KLHL17: variants seen among roughly 807,000 people sequenced by gnomAD.
The protein encoded by KLHL17 is kelch like family member 17.
In KLHL17, 71 loss-of-function variants were observed where a neutral mutation model predicts 64.6. The observed-to-expected ratio is 1.10, with a 90% CI of 0.91 to 1.34. The LOEUF (loss-of-function observed/expected upper bound fraction) is 1.34, where lower values mean the gene tolerates loss of function less well. Among genes scored for constraint, KLHL17 ranks in the 40% most tolerant of loss-of-function variants. The probability of loss-of-function intolerance (pLI) is 0.00; values close to 1 mark genes in which losing one functional copy is unlikely to be tolerated. For synonymous variants in KLHL17, 612 were observed against 405.4 expected (o/e 1.51, Z -6.12); for missense variants, 1,140 against 935.0 (o/e 1.22, Z -2.86).
rs201579026 is a variant in KLHL17 at position 964,171 on chromosome 1, T to G, written c.1509T>G (p.Tyr503Ter). 2 of 1,612,544 alleles carry G rather than the reference T, an allele frequency of 1.2e-6. No homozygotes were observed. The highest frequency in any genetic ancestry group is 1.7e-6 in the Non-Finnish European group (2 of 1,179,904). The stretch of plus-strand genomic sequence containing the variant: ...CACACCTGGCCACTGTGGAGAAGTA[T>G]GAGCCCCAGGTGCATAGTGCACCCC... ...SSSHLATVEK[Y>*]EPQVNVWSPV... The change falls in exon 10 of 12, where the codon TAT (tyrosine) becomes TAG (stop). Residue 503 changes from tyrosine (Y) to a stop codon, truncating the protein, a stop_gained. Coordinates refer to ENST00000338591, the MANE Select transcript of KLHL17 (RefSeq NM_198317.3). LOFTEE classifies it high-confidence loss of function.
In KLHL17 at chr1:961,989, T is replaced by A; in HGVS notation, c.653T>A (p.Leu218Gln). ...DLLKAAHRYVLQHFVDVAKTE... is the reference protein window; with the variant it reads ...DLLKAAHRYVQQHFVDVAKTE... ...CTCAAGGCCGCCCACAGGTACGTGC[T>A]GCAGCACTTCGTGGACGTGGCCAAG... The change falls in exon 4 of 12, where the codon CTG becomes CAG. Residue 218 changes from leucine (L) to glutamine (Q), a missense_variant. By Grantham distance (113) the Leu-to-Gln change is moderately radical. Transcript: ENST00000338591. 4 of 1,612,934 alleles carry A rather than the reference T, an allele frequency of 2.5e-6. No homozygotes were observed. The highest frequency in any genetic ancestry group is 3.4e-6 in the Non-Finnish European group (4 of 1,180,018).
rs1642921067 is a variant in KLHL17, at chr1:965,606, G to A, written c.*415G>A. 3 of 211,406 alleles carry A rather than the reference G, an allele frequency of 1.4e-5. No homozygotes were observed. The highest frequency in any genetic ancestry group is 1.0e-4 in the South Asian group (1 of 9,562). The allele number at this position is 211,406 out of a possible 1,614,324, so 13.1% of individuals were successfully genotyped here. A position where few individuals can be genotyped will look rare whatever the true frequency, so the allele number is the denominator to read the frequency against. ...GTGGGGAGCAGTTGTCCTTCCTGTC[G>A]TCGTCTGCCGTGTGCCATCTTTCCT... On this transcript the variant is annotated 3_prime_UTR_variant, in exon 12 of 12. Transcript: ENST00000338591.
At position 965,440 on chromosome 1, in the gene KLHL17, G is replaced by GGAGT. The variant is rs1642911337; in HGVS notation, c.*252_*255dup. On this transcript the variant is annotated 3_prime_UTR_variant, in exon 12 of 12. Transcript: ENST00000338591. ...TCCACTGCCTGCATGGGGGGCGCGG[G>GGAGT]GAGTGACCAGGCGGGGGCCTCACCG... 1.8e-6 allele frequency: 1 copy of GGAGT among 559,322 alleles called. No homozygotes were observed. The highest frequency in any genetic ancestry group is 1.9e-5 in the African/African-American group (1 of 52,810). 34.6% of individuals were successfully genotyped at this position (559,322 alleles called of 1,614,324 possible). A position where few individuals can be genotyped will look rare whatever the true frequency, so the allele number is the denominator to read the frequency against.
At position 961,467 on chromosome 1, in the gene KLHL17, C is replaced by T. The variant is rs557507930; in HGVS notation, c.282C>T (p.Ile94=). Residue 94 remains isoleucine (I), a synonymous_variant, in exon 2 of 12, where the codon ATC becomes ATT. Transcript: ENST00000338591. ...RMRQRGLLCD[I]VLHVAAKEIR... ...GCCAGCGCGGCCTCCTGTGCGACAT[C>T]GTCCTGCACGTGGCTGCCAAGGAGA... The T allele has an allele frequency of 3.7e-5, 60 of 1,612,358 alleles. No individual in the cohort carries two copies. The highest frequency in any genetic ancestry group is 1.5e-4 in the South Asian group (14 of 91,084).
chr1:960,623 GC>G lies in KLHL17; in HGVS notation c.-68del. 2.4e-6 allele frequency: 3 copies of G among 1,241,124 alleles called. No individual in the cohort carries two copies. Among genetic ancestry groups the G allele is most frequent in the Admixed American group, 4.5e-5 (1 of 21,982 alleles). The allele number at this position is 1,241,124 out of a possible 1,614,324, so 76.9% of individuals were successfully genotyped here. On this transcript the variant is annotated 5_prime_UTR_variant, in exon 1 of 12. Transcript: ENST00000338591. The stretch of plus-strand genomic sequence containing the variant: ...CAGAGCGGGCCGCCACCGCCGAGCA[GC>G]CCTCCGGCAGTCTCCGCGTCCGTTA...
chr1:964,165 G>A lies in KLHL17; in HGVS notation c.1503G>A (p.Glu501=). The change falls in exon 10 of 12, where the codon GAG becomes GAA. Residue 501 remains glutamate (E), a synonymous_variant. Coordinates refer to ENST00000338591, the MANE Select transcript of KLHL17 (RefSeq NM_198317.3). ...GCTCCTCACACCTGGCCACTGTGGA[G>A]AAGTATGAGCCCCAGGTGCATAGTG... ...YDSSSHLATV[E]KYEPQVNVWS... 6.2e-7 allele frequency: 1 copy of A among 1,612,718 alleles called. No homozygotes were observed. Among genetic ancestry groups the A allele is most frequent in the South Asian group, 1.1e-5 (1 of 91,088 alleles).
Position 963,101 on chromosome 1 carries a change from C to G in KLHL17, c.1043-8C>G, listed in dbSNP as rs1204804888. The G allele has an allele frequency of 1.2e-6, 2 of 1,610,950 alleles. No homozygotes were observed. Among genetic ancestry groups the G allele is most frequent in the African/African-American group, 2.7e-5 (2 of 74,894 alleles). The stretch of plus-strand genomic sequence containing the variant: ...CTCACGAGTCCCGTCTCCACCTGCC[C>G]TCCCCAGGCGGCGGGAGCCTGTTTG... On this transcript the variant is annotated splice_polypyrimidine_tract_variant and splice_region_variant and intron_variant, in intron 6 of 11. Transcript: ENST00000338591.
intron 8 of KLHL17, 109 bp downstream of exon 8, chr1:963,613 G>C (rs187461410): frequency 7.7e-7 from 1 of 1,304,904 alleles, no homozygotes; most frequent in African/African-American, 1.5e-5. Flanking sequence ...GAGGTGATCC[G>C]CGAGGCCGTT....
intron 8 of KLHL17, 47 bp from the exon 9 acceptor site, chr1:963,873 G>C: frequency 6.3e-7 from 1 of 1,583,312 alleles, no homozygotes; most frequent in Non-Finnish European, 8.7e-7. Flanking sequence ...GGGCCGGGAC[G>C]CCTTTCTGTC....
In KLHL17 at chr1:962,827, C is replaced by T. The variant is rs1403419992; in HGVS notation, c.952C>T (p.His318Tyr). The T allele has an allele frequency of 3.1e-6, 5 of 1,606,460 alleles. No individual in the cohort carries two copies. The highest frequency in any genetic ancestry group is 3.4e-6 in the Non-Finnish European group (4 of 1,178,414). The change falls in exon 6 of 12, where the codon CAC (histidine) becomes TAC (tyrosine). Residue 318 changes from histidine (H) to tyrosine (Y), a missense_variant. By Grantham distance (83) the His-to-Tyr change is moderately conservative (BLOSUM62 2). Coordinates refer to ENST00000338591, the MANE Select transcript of KLHL17 (RefSeq NM_198317.3). ...CCTCCTCATCGAGGCCCTGAAGTTC[C>T]ACCTGCTGCCTGAGCAGAGGGGCGT... ...KDLLIEALKF[H>Y]LLPEQRGVLG...
In KLHL17 at chr1:965,081, G is replaced by C; in HGVS notation, c.1819G>C (p.Ala607Pro). 1.9e-6 allele frequency: 3 copies of C among 1,612,610 alleles called. No homozygotes were observed. Among genetic ancestry groups the C allele is most frequent in the Non-Finnish European group, 2.5e-6 (3 of 1,179,768 alleles). ...YNPRTNKWVA[A>P]SCMFTRRSSV... ...CCCGAGGACCAACAAGTGGGTGGCC[G>C]CATCCTGCATGTTCACCCGGCGCAG... Residue 607 changes from alanine (A) to proline (P), a missense_variant, in exon 12 of 12, where the codon GCA (alanine) becomes CCA (proline). Ala to Pro is a conservative substitution (Grantham distance 27, BLOSUM62 -1). Coordinates refer to ENST00000338591, the MANE Select transcript of KLHL17 (RefSeq NM_198317.3).
rs373858860 is a variant in KLHL17 at position 965,098 on chromosome 1, C to T, written c.1836C>T (p.Thr612=). 4 of 1,612,646 alleles carry T rather than the reference C, an allele frequency of 2.5e-6. No individual in the cohort carries two copies. The East Asian group carries it at 6.7e-5, about 27-fold the overall frequency. Residue 612 remains threonine, a synonymous_variant, in exon 12 of 12, where the codon ACC becomes ACT. Transcript: ENST00000338591. ...NKWVAASCMF[T]RRSSVGVAVL... ...GGGTGGCCGCATCCTGCATGTTCAC[C>T]CGGCGCAGCAGTGTGGGTGTGGCGG...
rs778860952 is a variant in KLHL17, at chr1:961,645, C to T, written c.384C>T (p.Ser128=). The change falls in exon 3 of 12, where the codon AGC becomes AGT. Residue 128 remains serine (S), a synonymous_variant. Transcript: ENST00000338591. ...TCCCCGCAGATGAGATGAGCGAGAG[C>T]CGCCAGACCCACGTGACGCTGCACG... is the stretch of plus-strand genomic sequence containing the variant. ...HAMFTNEMSE[S]RQTHVTLHDI... The T allele has an allele frequency of 4.3e-6, 7 of 1,612,616 alleles. No individual in the cohort carries two copies. Among genetic ancestry groups the T allele is most frequent in the Non-Finnish European group, 5.1e-6 (6 of 1,179,866 alleles).
chr1:961,782 C>T lies in KLHL17; in HGVS notation c.489+32C>T. 7 of 1,611,602 alleles carry T rather than the reference C, an allele frequency of 4.3e-6. No homozygotes were observed. The South Asian group carries it at 7.7e-5, about 18-fold the overall frequency. On this transcript the variant is annotated intron_variant, in intron 3 of 11. Coordinates refer to ENST00000338591, the MANE Select transcript of KLHL17 (RefSeq NM_198317.3). The stretch of plus-strand genomic sequence containing the variant: ...GCTCCCTCACCCGGATCCCGGTGTC[C>T]CCCGACCCTGTGCCTCCCTCACCTG...
chr1:961,045 C>G, intron 1 of KLHL17: 1 of 201,188 alleles, frequency 5.0e-6, no homozygotes, highest in Non-Finnish European at 8.8e-6. Context: ...GTGGGGGCGC[C>G]GGGAAGCGGG....
Position 960,595 on chromosome 1 carries a change from A to G in KLHL17, c.-99A>G, listed in dbSNP as rs1342409947. 7.5e-5 allele frequency: 81 copies of G among 1,077,666 alleles called. No individual in the cohort carries two copies. Among genetic ancestry groups the G allele is most frequent in the Non-Finnish European group, 9.0e-5 (78 of 863,308 alleles). The allele number at this position is 1,077,666 out of a possible 1,614,324, so 66.8% of individuals were successfully genotyped here. A position where few individuals can be genotyped will look rare whatever the true frequency, so the allele number is the denominator to read the frequency against. Reference sequence around the variant, plus strand: ...CGGGCGGGAGCGGCGGGAGTGAGCGACACAGAGCGGGCCGCCACCGCCGAG... The same window carrying G: ...CGGGCGGGAGCGGCGGGAGTGAGCGGCACAGAGCGGGCCGCCACCGCCGAG... On this transcript the variant is annotated 5_prime_UTR_variant, in exon 1 of 12. Transcript: ENST00000338591.
intron 8 of KLHL17, 82 bp downstream of exon 8, chr1:963,586 C>T (rs1463083919): frequency 2.1e-6 from 3 of 1,446,042 alleles, no homozygotes; most frequent in East Asian, 2.3e-5. Context: ...GGGGTCGTAT[C>T]TGATGGGGTG....
At position 960,927 on chromosome 1, in the gene KLHL17, G is replaced by A. The variant is rs1370799519; in HGVS notation, c.107+127G>A. On this transcript the variant is annotated intron_variant, in intron 1 of 11. Transcript: ENST00000338591. ...CGGGGGAGGTCGGGACTCAGGTGCG[G>A]AGCGGGGTCGGCCCGGAGTAGGTTC... 5.7e-6 allele frequency: 4 copies of A among 705,118 alleles called. No individual in the cohort carries two copies. In the East Asian group the frequency reaches 5.2e-4, roughly 91 times the overall value. 43.7% of individuals were successfully genotyped at this position (705,118 alleles called of 1,614,324 possible). A position where few individuals can be genotyped will look rare whatever the true frequency, so the allele number is the denominator to read the frequency against.
At position 961,621 on chromosome 1, in the gene KLHL17, C is replaced by G; in HGVS notation, c.368-8C>G. On this transcript the variant is annotated splice_polypyrimidine_tract_variant and splice_region_variant and intron_variant, in intron 2 of 11. Coordinates refer to ENST00000338591, the MANE Select transcript of KLHL17 (RefSeq NM_198317.3). ...CGGGTCAGCTCGTGTAACCCGCTGT[C>G]CCCGCAGATGAGATGAGCGAGAGCC... 1 of 1,612,798 alleles carries G rather than the reference C, an allele frequency of 6.2e-7. No homozygotes were observed. Among genetic ancestry groups the G allele is most frequent in the Non-Finnish European group, 8.5e-7 (1 of 1,179,964 alleles).
Sources: gnomAD v4.1 joint callset for allele counts on GRCh38, gnomAD v4.1.1 for gene constraint, MANE v1.5 for transcripts, NCBI Gene and HGNC (gene_info 2026-07-23, HGNC 2026-07-21) for gene names.